Variants in CNTLN observed in about 807,000 individuals in gnomAD.
CNTLN encodes the protein centlein.
A neutral mutation model predicts 180.0 loss-of-function variants in CNTLN; 212 were observed. That is an observed-to-expected ratio of 1.18 (90% CI 1.05 to 1.32). The LOEUF (loss-of-function observed/expected upper bound fraction) is 1.32, where lower values mean the gene tolerates loss of function less well. CNTLN is among the 40% of genes most tolerant of loss of function. CNTLN has a pLI of 0.00. For missense variants in CNTLN, 2,095 were observed against 1,610.9 expected (o/e 1.30, Z -5.14); for synonymous variants, 722 against 563.1 (o/e 1.28, Z -3.99).
At chr9:17,447,213 T>C in intron 18 of CNTLN, 1 of 216,506 alleles carries the variant, frequency 4.6e-6, no homozygotes, top group Non-Finnish European at 9.9e-6. Flanking sequence ...TGCACTCCCA[T>C]AGGAAAGTAG....
chr9:17,167,108 A>AT (rs561426597), intron 2 of CNTLN: 1 of 187,202 alleles, frequency 5.3e-6, no homozygotes, highest in Non-Finnish European at 1.2e-5. Flanking sequence ...ATAAGTAAAC[A>AT]GAAAACTGCA....
chr9:17,502,179 C>A (rs976256652), intron 25 of CNTLN, among the ~76,000 whole-genome samples: 1 of 152,152 alleles, frequency 6.6e-6, no homozygotes, highest in Non-Finnish European at 1.5e-5. Context: ...GAGTGATGAA[C>A]ACACAGTACT....
At chr9:17,305,059 T>C (rs1818615786) in intron 7 of CNTLN, among the ~76,000 whole-genome samples, 1 of 152,156 alleles carries the variant, frequency 6.6e-6, no homozygotes, top group African/African-American at 2.4e-5. Flanking sequence ...TGTTAAGATA[T>C]ATAAAATATC....
chr9:17,137,526 T>C (rs1817802080), intron 1 of CNTLN, among the ~76,000 whole-genome samples: 1 of 152,164 alleles, frequency 6.6e-6, no homozygotes, highest in South Asian at 2.1e-4. Flanking sequence ...TACACACATA[T>C]ACAAACATAT....
chr9:17,267,148 T>A (rs367637409), intron 5 of CNTLN, among the ~76,000 whole-genome samples: 1 of 152,064 alleles, frequency 6.6e-6, no homozygotes, highest in Non-Finnish European at 1.5e-5. Context: ...GGTCTTTACA[T>A]TTTGGCATGT....
chr9:17,309,192 G>A lies in CNTLN; in HGVS notation c.1281G>A (p.Gln427=), dbSNP rs1352413981. Residue 427 remains glutamine, a synonymous_variant, in exon 8 of 26, where the codon CAG becomes CAA. Transcript: ENST00000380647. ...ATGCTAAGTTAAAAGAAAAACTTCA[G>A]GAATCACAGGGAGCACCTCTTCCTT... is the stretch of plus-strand genomic sequence containing the variant. The part of the protein sequence containing the change: ...QENAKLKEKL[Q]ESQGAPLPLP... The A allele has an allele frequency of 1.2e-6, 2 of 1,609,362 alleles. No individual in the cohort carries two copies. Among genetic ancestry groups the A allele is most frequent in the South Asian group, 1.1e-5 (1 of 90,304 alleles).
At chr9:17,259,415 G>T (rs11523045) in intron 5 of CNTLN, among the ~76,000 whole-genome samples, 1 of 128,374 alleles carries the variant, frequency 7.8e-6, no homozygotes, top group Admixed American at 7.6e-5. Flanking sequence ...ATGTTCATCC[G>T]GGATATTGGT....
At position 17,503,638 on chromosome 9, in the gene CNTLN, A is replaced by G. The variant is rs1833860461; in HGVS notation, c.*986A>G. On this transcript the variant is annotated 3_prime_UTR_variant, in exon 26 of 26. Transcript: ENST00000380647. ...GACCAGCTTACTATTTTATTTCCTCATAGCACAAAATTATCTATCTGTTCA... is the reference window on the plus strand; with the variant it reads ...GACCAGCTTACTATTTTATTTCCTCGTAGCACAAAATTATCTATCTGTTCA... 6.6e-6 allele frequency: 1 copy of G among 152,474 alleles called. No homozygotes were observed. Among genetic ancestry groups the G allele is most frequent in the African/African-American group, 2.4e-5 (1 of 41,412 alleles). The allele number at this position is 152,474 out of a possible 1,614,324, so 9.4% of individuals were successfully genotyped here.
chr9:17,440,052 G>C (rs1046252367), intron 18 of CNTLN, among the ~76,000 whole-genome samples: 1 of 152,170 alleles, frequency 6.6e-6, no homozygotes, highest in Non-Finnish European at 1.5e-5. Flanking sequence ...AAGTAAAAAT[G>C]CAGCAGACAT....
At chr9:17,463,402 T>C (rs887999362) in intron 20 of CNTLN, among the ~76,000 whole-genome samples, 3 of 151,662 alleles carry the variant, frequency 2.0e-5, no homozygotes, top group African/African-American at 7.2e-5. Flanking sequence ...GTTTTGTTTG[T>C]GTTTAAAATA....
chr9:17,420,391 A>G lies in CNTLN; in HGVS notation c.3114+4202A>G, dbSNP rs191261117. 5.3e-5 allele frequency among the ~76,000 whole-genome samples: 8 copies of G among 152,266 alleles called. No homozygotes were observed. In the East Asian group the frequency reaches 7.7e-4, roughly 15 times the overall value. On this transcript the variant is annotated intron_variant, in intron 18 of 25. Coordinates refer to ENST00000380647, the MANE Select transcript of CNTLN (RefSeq NM_017738.4). ...TAGCCACTAACAATGCTTTAAATTTATGCAGTATCTGTTGTAATATCTGCT... is the reference window on the plus strand; with the variant it reads ...TAGCCACTAACAATGCTTTAAATTTGTGCAGTATCTGTTGTAATATCTGCT...
rs1349880131 is a variant in CNTLN, at chr9:17,236,599, G to A, written c.849+11G>A. On this transcript the variant is annotated intron_variant, in intron 5 of 25. Transcript: ENST00000380647. ...GATGCAAAAATAAAGGTATACAATA[G>A]GAATGGAATCCATACTCCTCTTTTG... 1 of 1,586,414 alleles carries A rather than the reference G, an allele frequency of 6.3e-7. No individual in the cohort carries two copies. Among genetic ancestry groups the A allele is most frequent in the East Asian group, 2.3e-5 (1 of 44,392 alleles).
intron 18 of CNTLN, among the ~76,000 whole-genome samples, chr9:17,423,258 T>G (rs1356374326): frequency 6.6e-6 from 1 of 152,166 alleles, no homozygotes; most frequent in African/African-American, 2.4e-5. Flanking sequence ...CAAGGGCTCT[T>G]TAGTCAGCAG....
intron 2 of CNTLN, among the ~76,000 whole-genome samples, chr9:17,202,646 G>GTTTTTTTGT (rs1554656178): frequency 1.4e-5 from 1 of 71,478 alleles, no homozygotes; most frequent in African/African-American, 5.3e-5. Context: ...TGCAACCTCT[G>GTTTTTTTGT]TTTTTTTTTT....
Position 17,487,131 on chromosome 9 carries a change from C to T in CNTLN, c.4119+65C>T, listed in dbSNP as rs913786940. Reference sequence around the variant, plus strand: ...AAGAATTCCAAGCCTTACATTTTCACCAGATGTCTAACTTTTTGTAAACAC... The same window carrying T: ...AAGAATTCCAAGCCTTACATTTTCATCAGATGTCTAACTTTTTGTAAACAC... On this transcript the variant is annotated intron_variant, in intron 25 of 25. Transcript: ENST00000380647. 2.8e-6 allele frequency: 3 copies of T among 1,090,248 alleles called. No individual in the cohort carries two copies. In the South Asian group the frequency reaches 4.0e-5, roughly 14 times the overall value. The allele number at this position is 1,090,248 out of a possible 1,614,324, so 67.5% of individuals were successfully genotyped here.
chr9:17,178,990 A>G (rs1587023061), intron 2 of CNTLN, among the ~76,000 whole-genome samples: 1 of 146,394 alleles, frequency 6.8e-6, no homozygotes, highest in East Asian at 1.9e-4. Context: ...CACGCCTGTA[A>G]TCCCAGCACT....
At chr9:17,297,472 C>G (rs969987142) in intron 6 of CNTLN, among the ~76,000 whole-genome samples, 2 of 152,158 alleles carry the variant, frequency 1.3e-5, no homozygotes, top group African/African-American at 4.8e-5. Context: ...CTGTATCACA[C>G]AGGATTCACA....
At chr9:17,257,106 C>T (rs1428909640) in intron 5 of CNTLN, among the ~76,000 whole-genome samples, 1 of 151,956 alleles carries the variant, frequency 6.6e-6, no homozygotes, top group African/African-American at 2.4e-5. Context: ...AGGTATATCT[C>T]CTAATGCTAT....
At chr9:17,323,006 A>G (rs145972169) in intron 8 of CNTLN, among the ~76,000 whole-genome samples, 1 of 152,306 alleles carries the variant, frequency 6.6e-6, no homozygotes, top group African/African-American at 2.4e-5. Context: ...AAAAATGGGT[A>G]AGAGGGAATT....
Sources: allele counts gnomAD v4.1 joint callset (sites outside exome capture counted in the v4.1 genomes callset), GRCh38; gene constraint gnomAD v4.1.1; transcripts MANE v1.5; gene names NCBI Gene and HGNC (gene_info 2026-07-23, HGNC 2026-07-21).